GLI3: variants seen among roughly 807,000 people sequenced by gnomAD.
GLI3 encodes the protein transcription activator GLI3.
GLI3 carries 20 observed loss-of-function variants against 100.8 expected under a neutral mutation model. The ratio of observed to expected loss-of-function variants is 0.20; its 90% CI spans 0.14 to 0.29. The LOEUF is 0.29. GLI3 is among the 10% of genes least tolerant of loss of function. GLI3 has a pLI of 1.00. For missense variants in GLI3, 2,040 were observed against 2,128.5 expected (o/e 0.96, Z 0.82); for synonymous variants, 938 against 860.5 (o/e 1.09, Z -1.58).
chr7:42,148,998 T>G (rs557510999), intron 2 of GLI3, among the ~76,000 whole-genome samples: 19 of 152,182 alleles, frequency 1.2e-4, no homozygotes, highest in Non-Finnish European at 2.2e-4. Flanking sequence ...ATCCAAAAGT[T>G]TATGCTGTTT....
chr7:41,972,215 G>T lies in GLI3; in HGVS notation c.2103+122C>A. ...AGCAATACGGGTCACTGCCCTCATC[G>T]CCTCCTCAGATCAGAGACAGCCTGA... is the stretch of plus-strand genomic sequence containing the variant. On this transcript the variant is annotated intron_variant, in intron 13 of 14. Transcript: ENST00000395925. This position sits in a 1 kb window ranked among gnomAD's most constrained non-coding sequence, Gnocchi z 4.4. 2 of 913,698 alleles carry T rather than the reference G, an allele frequency of 2.2e-6. No homozygotes were observed. Among genetic ancestry groups the T allele is most frequent in the Non-Finnish European group, 3.7e-6 (2 of 547,634 alleles). The allele number at this position is 913,698 out of a possible 1,614,324, so 56.6% of individuals were successfully genotyped here. A position where few individuals can be genotyped will look rare whatever the true frequency, so the allele number is the denominator to read the frequency against.
Position 42,148,474 on chromosome 7 carries a change from G to T in GLI3, c.125-6C>A. 6.2e-7 allele frequency: 1 copy of T among 1,612,536 alleles called. No homozygotes were observed. The highest frequency in any genetic ancestry group is 8.5e-7 in the Non-Finnish European group (1 of 1,178,732). ...CTGTCCAGGACTTTCATCCTCTAAA[G>T]AAAGAAGAAAAATGAAAGACTCTGT... On this transcript the variant is annotated splice_polypyrimidine_tract_variant and splice_region_variant and intron_variant, in intron 2 of 14. Coordinates refer to ENST00000395925, the MANE Select transcript of GLI3 (RefSeq NM_000168.6).
At chr7:41,968,219 C>T (rs140297430) in intron 13 of GLI3, among the ~76,000 whole-genome samples, 66 of 152,262 alleles carry the variant, frequency 4.3e-4, no homozygotes, top group Non-Finnish European at 9.0e-4. Context: ...CATACTTCCT[C>T]GGTTCCAATC....
At chr7:42,099,862 T>G (rs1354207251) in intron 3 of GLI3, among the ~76,000 whole-genome samples, 3 of 152,230 alleles carry the variant, frequency 2.0e-5, no homozygotes, top group Non-Finnish European at 4.4e-5. Flanking sequence ...AAAACACACT[T>G]TCGAAACAGT....
At chr7:42,065,419 G>T (rs2128748580) in intron 4 of GLI3, among the ~76,000 whole-genome samples, 1 of 151,916 alleles carries the variant, frequency 6.6e-6, no homozygotes, top group East Asian at 1.9e-4. Flanking sequence ...GCTGAATTTT[G>T]TCAAGCTATA....
At chr7:42,104,308 A>G (rs1785529097) in intron 3 of GLI3, among the ~76,000 whole-genome samples, 1 of 152,176 alleles carries the variant, frequency 6.6e-6, no homozygotes, top group Non-Finnish European at 1.5e-5. Flanking sequence ...ATCCTTCAGT[A>G]CCCAGTTCAG....
rs1366529702 is a variant in GLI3, at chr7:41,963,330, C to A, written c.*1000G>T. 1 of 152,150 alleles carries A rather than the reference C, an allele frequency of 6.6e-6. No individual in the cohort carries two copies. Among genetic ancestry groups the A allele is most frequent in the Non-Finnish European group, 1.5e-5 (1 of 68,034 alleles). The allele number at this position is 152,150 out of a possible 1,614,324, so 9.4% of individuals were successfully genotyped here. ...TGTTTAAATACCTATATACTTAGAG[C>A]TATATATAATCAATTCTCAGTTAAA... On this transcript the variant is annotated 3_prime_UTR_variant, in exon 15 of 15. Coordinates refer to ENST00000395925, the MANE Select transcript of GLI3 (RefSeq NM_000168.6).
intron 14 of GLI3, among the ~76,000 whole-genome samples, chr7:41,967,213 T>C (rs1787209353): frequency 6.6e-6 from 1 of 152,186 alleles, no homozygotes; most frequent in Admixed American, 6.5e-5. Context: ...GGGAGGGATT[T>C]CTGACTTTCC....
rs1787004049 is a variant in GLI3, at chr7:41,961,232, A to T, written c.*3098T>A. 1 of 152,634 alleles carries T rather than the reference A, an allele frequency of 6.6e-6. No individual in the cohort carries two copies. The highest frequency in any genetic ancestry group is 2.4e-5 in the African/African-American group (1 of 41,450). 9.5% of individuals were successfully genotyped at this position (152,634 alleles called of 1,614,324 possible). On this transcript the variant is annotated 3_prime_UTR_variant, in exon 15 of 15. Transcript: ENST00000395925. ...TTTTTAAAAAAATCTAAAAAAGGTG[A>T]AAAAAATGAACTTGTATTTTATTTT... is the stretch of plus-strand genomic sequence containing the variant.
chr7:42,142,892 T>C (rs897181772), intron 3 of GLI3, among the ~76,000 whole-genome samples: 2 of 140,664 alleles, frequency 1.4e-5, no homozygotes, highest in Non-Finnish European at 3.0e-5. Context: ...TGAGCCGAGA[T>C]TGCGCCACTG....
intron 10 of GLI3, among the ~76,000 whole-genome samples, chr7:41,987,121 C>T (rs1787852924): frequency 6.6e-6 from 1 of 151,788 alleles, no homozygotes; most frequent in Non-Finnish European, 1.5e-5. Context: ...CACACACACA[C>T]ACACACACAC....
At chr7:41,980,894 G>C (rs1353250886) in intron 10 of GLI3, among the ~76,000 whole-genome samples, 1 of 152,194 alleles carries the variant, frequency 6.6e-6, no homozygotes, top group South Asian at 2.1e-4. Context: ...AGGGAAACAG[G>C]TCATGGCTTA....
chr7:42,098,167 G>C (rs745612126), intron 3 of GLI3, among the ~76,000 whole-genome samples: 3 of 152,108 alleles, frequency 2.0e-5, no homozygotes, highest in Non-Finnish European at 4.4e-5. Flanking sequence ...AGAGTGCTCA[G>C]TGGCTGTGGG....
chr7:42,069,925 C>T, intron 4 of GLI3, among the ~76,000 whole-genome samples: 1 of 152,222 alleles, frequency 6.6e-6, no homozygotes, highest in East Asian at 1.9e-4. Context: ...GAAGACCTCT[C>T]TGAGAAGCAG....
intron 10 of GLI3, among the ~76,000 whole-genome samples, chr7:42,001,433 C>T (rs1788294614): frequency 6.6e-6 from 1 of 152,072 alleles, no homozygotes; most frequent in African/African-American, 2.4e-5. Context: ...ATAAGAAAGG[C>T]TTGGATAAGT....
At chr7:42,092,644 G>A (rs1333703077) in intron 3 of GLI3, among the ~76,000 whole-genome samples, 1 of 152,136 alleles carries the variant, frequency 6.6e-6, no homozygotes, top group Non-Finnish European at 1.5e-5. Flanking sequence ...TCAGTCCAGT[G>A]GGCACCGCAC....
At chr7:42,023,911 A>T (rs1011151426) in intron 9 of GLI3, among the ~76,000 whole-genome samples, 1 of 152,226 alleles carries the variant, frequency 6.6e-6, no homozygotes, top group African/African-American at 2.4e-5. Flanking sequence ...TCTAAAAAAA[A>T]ACCCAAAACA....
chr7:41,995,233 T>C (rs1447630115), intron 10 of GLI3, among the ~76,000 whole-genome samples: 2 of 152,200 alleles, frequency 1.3e-5, no homozygotes, highest in East Asian at 3.9e-4. Flanking sequence ...TCCCAGGCTA[T>C]AGGTATTAAG....
At chr7:42,210,341 C>T (rs1325279508) in intron 2 of GLI3, among the ~76,000 whole-genome samples, 1 of 29,288 alleles carries the variant, frequency 3.4e-5, no homozygotes, top group Non-Finnish European at 1.1e-4. Context: ...AATGAAAGCC[C>T]CCCCCCCCCC....
Sources: allele counts gnomAD v4.1 joint callset (sites outside exome capture counted in the v4.1 genomes callset), GRCh38; gene constraint gnomAD v4.1.1; non-coding constraint Gnocchi (gnomAD v3.1); transcripts MANE v1.5; gene names NCBI Gene and HGNC (gene_info 2026-07-23, HGNC 2026-07-21).